The following SHROOM2 variants were observed in gnomAD, a reference collection of about 807,000 sequenced individuals.
The protein encoded by SHROOM2 is protein Shroom2.
In SHROOM2, 33 loss-of-function variants were observed where a neutral mutation model predicts 75.9. The ratio of observed to expected loss-of-function variants is 0.43; its 90% CI spans 0.33 to 0.58. The LOEUF (loss-of-function observed/expected upper bound fraction) is 0.58, where lower values mean the gene tolerates loss of function less well. Ranked by LOEUF, SHROOM2 falls within the 20% of genes least tolerant of loss-of-function variation. SHROOM2 has a pLI of 0.04. For synonymous variants in SHROOM2, 655 were observed against 663.6 expected, an observed-to-expected ratio of 0.99 and a Z score of 0.20; for missense variants, 1,434 against 1,461.2, an observed-to-expected ratio of 0.98 and a Z score of 0.30.
chrX:9,931,374 C>T (rs974409424), intron 5 of SHROOM2, among the ~76,000 whole-genome samples: 1 of 110,867 alleles, frequency 9.0e-6, no homozygotes, highest in African/African-American at 3.3e-5. Flanking sequence ...ATTAGCCGGG[C>T]GTGGTGGCGC....
At chrX:9,805,450 AG>A (rs1441869725) in intron 1 of SHROOM2, among the ~76,000 whole-genome samples, 1 of 111,860 alleles carries the variant, frequency 8.9e-6, no homozygotes, top group Non-Finnish European at 1.9e-5. Flanking sequence ...TGGTATTAGG[AG>A]GTGGGGGCCG....
chrX:9,888,117 G>T (rs918945540), intron 2 of SHROOM2, among the ~76,000 whole-genome samples: 4 of 113,132 alleles, frequency 3.5e-5, no homozygotes, highest in African/African-American at 1.3e-4. Context: ...AGGAATAGAG[G>T]CAGGGCACAG....
chrX:9,896,940 C>G (rs1305811047), intron 4 of SHROOM2, among the ~76,000 whole-genome samples: 1 of 112,557 alleles, frequency 8.9e-6, no homozygotes, highest in Non-Finnish European at 1.9e-5. Context: ...GCCATAATCT[C>G]TGGCTTTAAC....
intron 5 of SHROOM2, among the ~76,000 whole-genome samples, chrX:9,924,047 A>C (rs957122344): frequency 8.9e-6 from 1 of 112,368 alleles, no homozygotes; most frequent in African/African-American, 3.2e-5. Flanking sequence ...TTTCTAGAGT[A>C]ATTGCTTTCC....
intron 1 of SHROOM2, among the ~76,000 whole-genome samples, chrX:9,852,480 A>C (rs925920900): frequency 3.6e-5 from 4 of 111,958 alleles, no homozygotes; most frequent in African/African-American, 1.3e-4. Flanking sequence ...AGCTGGGTCT[A>C]CCAAAGGCTT....
chrX:9,944,615 T>A, intron 8 of SHROOM2, 26 bp from the exon 9 acceptor site: 1 of 1,190,397 alleles, frequency 8.4e-7, no homozygotes, highest in East Asian at 3.0e-5. Context: ...TGTCTCCGTG[T>A]TCCCTTGCCA....
chrX:9,866,321 C>T (rs2084138324), intron 1 of SHROOM2, among the ~76,000 whole-genome samples: 1 of 109,871 alleles, frequency 9.1e-6, no homozygotes, highest in Admixed American at 9.8e-5. Context: ...TGCTTGTCCT[C>T]ATCATGCAGA....
Position 9,932,288 on chromosome X carries a change from C to T in SHROOM2, c.3005C>T (p.Pro1002Leu). 8.3e-7 allele frequency: 1 copy of T among 1,204,075 alleles called. No individual in the cohort carries two copies. Among genetic ancestry groups the T allele is most frequent in the Non-Finnish European group, 1.1e-6 (1 of 890,879 alleles). Residue 1002 changes from proline to leucine, a missense_variant, in exon 6 of 10, where the codon CCA becomes CTA. Pro to Leu is a moderately conservative substitution (Grantham distance 98, BLOSUM62 -3). This residue lies in a region of SHROOM2 where 1,340 missense variants were observed against 1,338.3 expected (regional missense o/e 1.00). Coordinates refer to ENST00000380913, the MANE Select transcript of SHROOM2 (RefSeq NM_001649.4). ...GAACTATCTCACTGCCGGGGAGCCC[C>T]AGAGCTGCCCCGGGAGGGCCGGGGC... ...FSELSHCRGA[P>L]ELPREGRGRA... is the part of the protein sequence containing the mutation.
chrX:9,842,589 C>T (rs1376317719), intron 1 of SHROOM2, among the ~76,000 whole-genome samples: 2 of 112,246 alleles, frequency 1.8e-5, no homozygotes, highest in Admixed American at 9.4e-5. Flanking sequence ...GAAGCCAGCA[C>T]CTTCTTTGAT....
intron 2 of SHROOM2, among the ~76,000 whole-genome samples, 168 bp downstream of exon 2, chrX:9,873,971 C>T (rs984180965): frequency 4.5e-5 from 5 of 111,901 alleles, no homozygotes; most frequent in Non-Finnish European, 9.4e-5. Context: ...AGAGTCTGAA[C>T]GGTTCCTAAT....
chrX:9,849,037 T>C (rs1035283348), intron 1 of SHROOM2, among the ~76,000 whole-genome samples: 1 of 111,926 alleles, frequency 8.9e-6, no homozygotes, highest in African/African-American at 3.3e-5. Flanking sequence ...CCCGTGGGTC[T>C]CCTGGAAGGC....
chrX:9,863,891 A>T (rs1220083800), intron 1 of SHROOM2, among the ~76,000 whole-genome samples: 1 of 111,743 alleles, frequency 8.9e-6, no homozygotes. Flanking sequence ...TTCAATGTGT[A>T]TCCTGTTGTT....
Position 9,920,130 on chromosome X carries a change from C to A in SHROOM2, c.2892-12045C>A, listed in dbSNP as rs185960547. Among the ~76,000 whole-genome samples the A allele has an allele frequency of 5.3e-3, 587 of 110,837 alleles. 4 individuals carry two copies. The highest frequency in any genetic ancestry group is 8.5e-3 in the Non-Finnish European group (448 of 52,937). On this transcript the variant is annotated intron_variant, in intron 5 of 9. Coordinates refer to ENST00000380913, the MANE Select transcript of SHROOM2 (RefSeq NM_001649.4). ...CACTACAACTCATCAGACATCTCAA[C>A]TCGCTACAACTCATCAGACAGACAT...
intron 1 of SHROOM2, among the ~76,000 whole-genome samples, chrX:9,842,856 G>C (rs999854383): frequency 9.0e-6 from 1 of 111,448 alleles, no homozygotes. Flanking sequence ...GGGGTTGGGT[G>C]GGGTCTGTCT....
chrX:9,858,755 A>G (rs756477976), intron 1 of SHROOM2, among the ~76,000 whole-genome samples: 1 of 111,953 alleles, frequency 8.9e-6, no homozygotes, highest in Admixed American at 9.4e-5. Context: ...CAGTGAGCTG[A>G]GACCGCGCCA....
intron 1 of SHROOM2, among the ~76,000 whole-genome samples, chrX:9,798,717 TA>T (rs749088143): frequency 3.5e-4 from 39 of 112,439 alleles, no homozygotes; most frequent in Non-Finnish European, 6.2e-4. Flanking sequence ...TAGACAGGCA[TA>T]TTTTTAAAAA....
intron 1 of SHROOM2, among the ~76,000 whole-genome samples, chrX:9,799,955 C>G (rs1204146485): frequency 9.0e-6 from 1 of 111,572 alleles, no homozygotes; most frequent in Non-Finnish European, 1.9e-5. Flanking sequence ...TCTTCCTTTA[C>G]CTTCTCTAAT....
chrX:9,801,358 T>A (rs556872115), intron 1 of SHROOM2, among the ~76,000 whole-genome samples: 4 of 111,813 alleles, frequency 3.6e-5, no homozygotes, highest in African/African-American at 1.3e-4. Context: ...TCCAACACTT[T>A]AGCTGAGTAT....
intron 1 of SHROOM2, among the ~76,000 whole-genome samples, chrX:9,859,093 A>G (rs1189272840): frequency 2.7e-5 from 3 of 110,794 alleles, no homozygotes; most frequent in African/African-American, 9.9e-5. Flanking sequence ...AAGCATCTGT[A>G]ATCTCAGCTA....
Sources: allele counts gnomAD v4.1 joint callset (sites outside exome capture counted in the v4.1 genomes callset), GRCh38; gene constraint gnomAD v4.1.1; regional missense constraint gnomAD v4.1.1; transcripts MANE v1.5; gene names NCBI Gene and HGNC (gene_info 2026-07-23, HGNC 2026-07-21).